CEP135: variants seen among roughly 807,000 people sequenced by gnomAD.
CEP135 encodes the protein centrosomal protein of 135 kDa.
CEP135 carries 142 observed loss-of-function variants against 157.3 expected under a neutral mutation model. The observed-to-expected ratio is 0.90, with a 90% CI of 0.79 to 1.04. The LOEUF (loss-of-function observed/expected upper bound fraction) is 1.04. Ranked by LOEUF, CEP135 falls within the 50% of genes least tolerant of loss-of-function variation. The pLI, the probability that CEP135 is intolerant of heterozygous loss-of-function variation, is 0.00. For synonymous variants in CEP135, 396 were observed against 439.8 expected (o/e 0.90, Z 1.25); for missense variants, 1,317 against 1,309.2 (o/e 1.01, Z -0.09).
At chr4:55,994,486 A>G (rs757005784) in intron 15 of CEP135, among the ~76,000 whole-genome samples, 27 of 152,116 alleles carry the variant, frequency 1.8e-4, no homozygotes, top group Non-Finnish European at 3.4e-4. Context: ...GTTCAAGGCT[A>G]CAGTGAGCTG....
Position 55,970,560 on chromosome 4 carries a change from T to G in CEP135, c.1111-710T>G, listed in dbSNP as rs543468789. ...CATGAGAGCAAGGGATTTTTGCTGT[T>G]TGTTCACTGCTAGTTGTATGTGCAC... On this transcript the variant is annotated intron_variant, in intron 9 of 25. Transcript: ENST00000257287. 5.3e-5 allele frequency among the ~76,000 whole-genome samples: 8 copies of G among 152,348 alleles called. 1 individual carries two copies. Among genetic ancestry groups the G allele is most frequent in the African/African-American group, 1.9e-4 (8 of 41,592 alleles).
intron 22 of CEP135, 111 bp downstream of exon 22, chr4:56,017,968 C>CT (rs990087133): frequency 0.012 from 9,590 of 821,706 alleles, no homozygotes; most frequent in Middle Eastern, 0.019. Flanking sequence ...AGAGTAGTTA[C>CT]TTTTTTTTTT....
chr4:55,953,508 A>G lies in CEP135; in HGVS notation c.304+233A>G, dbSNP rs1577861677. On this transcript the variant is annotated intron_variant, in intron 3 of 25. Coordinates refer to ENST00000257287, the MANE Select transcript of CEP135 (RefSeq NM_025009.5). ...TAGTGAGAACTTGTTTCAAAAAAAA[A>G]GAAAAGAAAAGAAAATATGGTACTC... 1.3e-5 allele frequency among the ~76,000 whole-genome samples: 2 copies of G among 152,232 alleles called. 1 individual carries two copies. The highest frequency in any genetic ancestry group is 3.9e-4 in the East Asian group (2 of 5,182).
intron 21 of CEP135, among the ~76,000 whole-genome samples, chr4:56,017,413 T>C (rs1237737884): frequency 6.6e-6 from 1 of 152,150 alleles, no homozygotes; most frequent in Admixed American, 6.6e-5. Context: ...TTTCCAAATA[T>C]ATAAATATAT....
At chr4:56,020,647 A>T (rs756426933) in intron 23 of CEP135, 29 bp from the exon 24 acceptor site, 1 of 1,592,698 alleles carries the variant, frequency 6.3e-7, no homozygotes, top group East Asian at 2.2e-5. Context: ...CGGAACGTTT[A>T]TTTCTTGATT....
intron 21 of CEP135, among the ~76,000 whole-genome samples, chr4:56,012,980 C>T (rs771102272): frequency 6.6e-5 from 10 of 152,122 alleles, no homozygotes; most frequent in African/African-American, 1.7e-4. Flanking sequence ...GTGGTTTTTC[C>T]GTAGGTGCTA....
rs971759733 is a variant in CEP135 at position 55,957,258 on chromosome 4, C to G, written c.508C>G (p.Arg170Gly). The change falls in exon 5 of 26, where the codon CGT (arginine) becomes GGT (glycine). Residue 170 changes from arginine to glycine, a missense_variant. Coordinates refer to ENST00000257287, the MANE Select transcript of CEP135 (RefSeq NM_025009.5). ...KKRSIAFRRQ[R>G]MQIDEPVPPS... ...AAGAAGTATTGCTTTCAGGCGCCAG[C>G]GTATGCAAATTGATGAACCGGTTCC... The G allele has an allele frequency of 5.6e-6, 9 of 1,613,952 alleles. No homozygotes were observed. Among genetic ancestry groups the G allele is most frequent in the Non-Finnish European group, 6.8e-6 (8 of 1,179,982 alleles).
rs567650838 is a variant in CEP135, at chr4:55,987,472, A to G, written c.1857+2114A>G. Among the ~76,000 whole-genome samples the G allele has an allele frequency of 2.6e-5, 4 of 152,290 alleles. No individual in the cohort carries two copies. In the South Asian group the frequency reaches 8.3e-4, roughly 32 times the overall value. On this transcript the variant is annotated intron_variant, in intron 14 of 25. Transcript: ENST00000257287. ...AACTTGGGGCAGACCACTGGGTTCC[A>G]TATCGGTTCCTTTCCCTGTGTCACA...
chr4:55,959,718 A>C lies in CEP135; in HGVS notation c.651A>C (p.Gln217His). The C allele has an allele frequency of 6.2e-7, 1 of 1,614,116 alleles. No homozygotes were observed. The stretch of plus-strand genomic sequence containing the variant: ...TTCAACAGGAAGTCCACCAGCTACA[A>C]GAAAAGTTAGCAATGATGGAAAGTG... ...QELQQEVHQL[Q>H]EKLAMMESGV... is the part of the protein sequence containing the mutation. Residue 217 changes from glutamine (Q) to histidine (H), a missense_variant, in exon 6 of 26, where the codon CAA becomes CAC. Transcript: ENST00000257287.
intron 14 of CEP135, among the ~76,000 whole-genome samples, chr4:55,986,143 T>C (rs2077464618): frequency 6.6e-6 from 1 of 152,148 alleles, no homozygotes; most frequent in African/African-American, 2.4e-5. Context: ...TTTGTGAAAA[T>C]TAAATGAGTT....
chr4:55,959,656 T>C, intron 5 of CEP135, 26 bp from the exon 6 acceptor site: 2 of 1,573,628 alleles, frequency 1.3e-6, no homozygotes, highest in South Asian at 1.1e-5. Flanking sequence ...AAAAGTGTAT[T>C]GGCATTAATT....
chr4:55,991,929 T>G lies in CEP135; in HGVS notation c.1858-5T>G, dbSNP rs1260826676. On this transcript the variant is annotated splice_region_variant and splice_polypyrimidine_tract_variant and intron_variant, in intron 14 of 25. Transcript: ENST00000257287. ...ATACCTACTGTTTTTTTATTTAAAT[T>G]ATAGCTTGAAAGCGAAAAATATGAA... The G allele has an allele frequency of 2.9e-6, 4 of 1,397,470 alleles. No individual in the cohort carries two copies. Among genetic ancestry groups the G allele is most frequent in the African/African-American group, 3.0e-5 (2 of 67,636 alleles). 86.6% of individuals were successfully genotyped at this position (1,397,470 alleles called of 1,614,324 possible). A position where few individuals can be genotyped will look rare whatever the true frequency, so the allele number is the denominator to read the frequency against.
rs183479752 is a variant in CEP135 at position 55,955,252 on chromosome 4, G to C, written c.472+869G>C. ...AGGGGGCTGCTGGATTATGAGGCTA[G>C]GTCAAGACAGATTAAAGAGCATGAT... is the stretch of plus-strand genomic sequence containing the variant. On this transcript the variant is annotated intron_variant, in intron 4 of 25. Coordinates refer to ENST00000257287, the MANE Select transcript of CEP135 (RefSeq NM_025009.5). Among the ~76,000 whole-genome samples, 7 of 152,280 alleles carry C rather than the reference G, an allele frequency of 4.6e-5. No individual in the cohort carries two copies. In the East Asian group the frequency reaches 1.3e-3, roughly 29 times the overall value.
At chr4:55,965,409 A>G in intron 7 of CEP135, 2 of 382,392 alleles carry the variant, frequency 5.2e-6, no homozygotes, top group South Asian at 2.9e-5. Context: ...GAAAAAGTTC[A>G]CACAAATTTC....
At chr4:55,964,131 A>G (rs766868601) in intron 6 of CEP135, 143 bp from the exon 7 acceptor site, 2 of 661,122 alleles carry the variant, frequency 3.0e-6, no homozygotes, top group Non-Finnish European at 4.7e-6. Context: ...ATTTATGCAT[A>G]TAATATATGG....
intron 24 of CEP135, 51 bp from the exon 25 acceptor site, chr4:56,024,450 G>A (rs1232822217): frequency 7.4e-7 from 1 of 1,355,818 alleles, no homozygotes; most frequent in Non-Finnish European, 1.0e-6. Context: ...GCCACTTTTT[G>A]ATTTTCCCTG....
intron 6 of CEP135, chr4:55,960,346 C>T (rs886721778): frequency 6.6e-6 from 1 of 152,440 alleles, no homozygotes; most frequent in African/African-American, 2.4e-5. Context: ...CAACAGTTTT[C>T]TGAAGAATCA....
chr4:56,007,139 C>T (rs1243811955), intron 17 of CEP135, among the ~76,000 whole-genome samples: 2 of 152,108 alleles, frequency 1.3e-5, no homozygotes, highest in African/African-American at 4.8e-5. Context: ...GGTGATCCAC[C>T]TGCCTCAGCC....
In CEP135 at chr4:56,017,631, T is replaced by G. The variant is rs758233685; in HGVS notation, c.2803-17T>G. On this transcript the variant is annotated splice_polypyrimidine_tract_variant and intron_variant, in intron 21 of 25. Coordinates refer to ENST00000257287, the MANE Select transcript of CEP135 (RefSeq NM_025009.5). The stretch of plus-strand genomic sequence containing the variant: ...GGGTTATTTTAACTTTTTACTTGTT[T>G]CTTTTTCTTTTTTCAGCACATAAAT... The G allele has an allele frequency of 1.2e-5, 19 of 1,553,514 alleles. No individual in the cohort carries two copies. The highest frequency in any genetic ancestry group is 1.6e-5 in the Non-Finnish European group (19 of 1,151,568).
Sources: gnomAD v4.1 joint callset for allele counts (sites outside exome capture counted in the v4.1 genomes callset) on GRCh38, gnomAD v4.1.1 for gene constraint, MANE v1.5 for transcripts, NCBI Gene and HGNC (gene_info 2026-07-23, HGNC 2026-07-21) for gene names.